Variants in NSD2 observed in about 807,000 individuals in gnomAD.
NSD2 encodes the protein nuclear receptor binding SET domain protein 2.
Under a neutral mutation model 139.0 loss-of-function variants are expected in NSD2, and 12 were observed. The ratio of observed to expected loss-of-function variants is 0.09; its 90% CI spans 0.06 to 0.14. The LOEUF is 0.14. Ranked by LOEUF, NSD2 falls within the 10% of genes least tolerant of loss-of-function variation. The probability of loss-of-function intolerance (pLI) is 1.00; values close to 1 mark genes in which losing one functional copy is unlikely to be tolerated. For synonymous variants in NSD2, 669 were observed against 648.7 expected (o/e 1.03, Z -0.48); for missense variants, 1,155 against 1,745.0 (o/e 0.66, Z 6.02).
rs1724763970 is a variant in NSD2, at chr4:1,955,910, GTACT to G, written c.2675+64_2675+67del. 1.2e-6 allele frequency: 2 copies of G among 1,610,134 alleles called. No individual in the cohort carries two copies. The highest frequency in any genetic ancestry group is 1.7e-5 in the Admixed American group (1 of 59,686). On this transcript the variant is annotated intron_variant, in intron 14 of 21. Transcript: ENST00000508803. The surrounding 1 kb of genome is among the most constrained non-coding windows in gnomAD (Gnocchi z 4.7). ...TCTGTTCACATGTGTTCGCTTTACAGTACTTAAAGTATTGAAATTATTATCGCTG... is the reference window on the plus strand; with the variant it reads ...TCTGTTCACATGTGTTCGCTTTACAGTAAAGTATTGAAATTATTATCGCTG...
Position 1,956,154 on chromosome 4 carries a change from G to A in NSD2, c.2847G>A (p.Gln949=). ...AGGGGGACCGGGGCAGCCGCTACCA[G>A]GGGGTCAGAGGGATCGGAAGAGTCT... ...YMEGDRGSRY[Q]GVRGIGRVFK... Residue 949 remains glutamine (Q), a synonymous_variant, in exon 15 of 22, where the codon CAG becomes CAA. Coordinates refer to ENST00000508803, the MANE Select transcript of NSD2 (RefSeq NM_001042424.3). This position sits in a 1 kb window ranked among gnomAD's most constrained non-coding sequence, Gnocchi z 5.3. The A allele has an allele frequency of 1.2e-6, 2 of 1,613,316 alleles. No individual in the cohort carries two copies. Among genetic ancestry groups the A allele is most frequent in the Non-Finnish European group, 8.5e-7 (1 of 1,179,586 alleles).
At chr4:1,941,517 A>G in intron 9 of NSD2, 6 of 1,043,888 alleles carry the variant, frequency 5.7e-6, no homozygotes, top group Non-Finnish European at 5.8e-6. Context: ...CCTTGAGAAG[A>G]CATAGATGAA....
At position 1,981,152 on chromosome 4, in the gene NSD2, T is replaced by C. The variant is rs992599001; in HGVS notation, c.*2243T>C. ...GCTTTGATAATACTTCCAAATTTTA[T>C]GATTTTTCTGAAGGAAATAATGCAA... On this transcript the variant is annotated 3_prime_UTR_variant, in exon 22 of 22. Coordinates refer to ENST00000508803, the MANE Select transcript of NSD2 (RefSeq NM_001042424.3). 1.3e-5 allele frequency: 3 copies of C among 233,236 alleles called. No homozygotes were observed. In the Admixed American group the frequency reaches 1.7e-4, roughly 13 times the overall value. The allele number at this position is 233,236 out of a possible 1,614,324, so 14.4% of individuals were successfully genotyped here.
chr4:1,904,867 ACGCCTGTAATC>A (rs1453108199), intron 3 of NSD2, among the ~76,000 whole-genome samples: 3 of 152,242 alleles, frequency 2.0e-5, no homozygotes, highest in Admixed American at 6.5e-5. Context: ...ACGGTGGCTC[ACGCCTGTAATC>A]CCAACACTTT....
In NSD2 at chr4:1,953,318, T is replaced by C. The variant is rs528193290; in HGVS notation, c.2138-6T>C. On this transcript the variant is annotated splice_polypyrimidine_tract_variant and splice_region_variant and intron_variant, in intron 11 of 21. Coordinates refer to ENST00000508803, the MANE Select transcript of NSD2 (RefSeq NM_001042424.3). ...TCTCTCCACCCCTTCTTTAACTTTT[T>C]GTTAGGGATTCACTCATGTTTCGTG... 3.7e-6 allele frequency: 6 copies of C among 1,614,258 alleles called. No individual in the cohort carries two copies. Among genetic ancestry groups the C allele is most frequent in the Non-Finnish European group, 5.1e-6 (6 of 1,180,048 alleles).
intron 1 of NSD2, among the ~76,000 whole-genome samples, chr4:1,878,615 G>A (rs947425402): frequency 6.6e-6 from 1 of 152,062 alleles, no homozygotes; most frequent in Non-Finnish European, 1.5e-5. Context: ...GGCATTCAGT[G>A]ACTATTTGAA....
intron 1 of NSD2, among the ~76,000 whole-genome samples, chr4:1,872,591 T>TGTGTGTGTGAGAGA (rs1281608141): frequency 2.7e-4 from 12 of 44,890 alleles, no homozygotes; most frequent in Admixed American, 1.4e-3. Context: ...TGTGTGTGTG[T>TGTGTGTGTGAGAGA]GAGAGAGAGA....
intron 9 of NSD2, chr4:1,943,189 G>C: frequency 9.6e-7 from 1 of 1,041,368 alleles, no homozygotes; most frequent in Non-Finnish European, 1.2e-6. Flanking sequence ...TAAGGAAAAG[G>C]CTTACTTGCC....
chr4:1,937,781 G>A (rs530068260), intron 7 of NSD2, among the ~76,000 whole-genome samples: 8 of 152,342 alleles, frequency 5.3e-5, no homozygotes, highest in African/African-American at 1.9e-4. Context: ...TCCCTGGGCA[G>A]CGCTGCTCTA....
intron 1 of NSD2, among the ~76,000 whole-genome samples, chr4:1,874,670 G>GTA (rs1170897790): frequency 1.3e-5 from 2 of 152,170 alleles, no homozygotes; most frequent in Non-Finnish European, 2.9e-5. Flanking sequence ...AACATTGCAA[G>GTA]TATATAAGTC....
Position 1,903,105 on chromosome 4 carries a change from T to G in NSD2, c.598-1111T>G, listed in dbSNP as rs1399640815. Among the ~76,000 whole-genome samples the G allele has an allele frequency of 2.6e-5, 4 of 152,166 alleles. 1 individual carries two copies. The highest frequency in any genetic ancestry group is 5.9e-5 in the Non-Finnish European group (4 of 68,018). On this transcript the variant is annotated intron_variant, in intron 2 of 21. Coordinates refer to ENST00000508803, the MANE Select transcript of NSD2 (RefSeq NM_001042424.3). ...AGGATCAAAAAAACATGAAAATGTG[T>G]CATGTGGCAGCTCATGCCAGGCTTC...
rs1269297882 is a variant in NSD2 at position 1,944,326 on chromosome 4, A to G, written c.1881+4548A>G. 4 of 1,066,228 alleles carry G rather than the reference A, an allele frequency of 3.8e-6. No individual in the cohort carries two copies. In the East Asian group the frequency reaches 2.0e-4, roughly 53 times the overall value. 66.0% of individuals were successfully genotyped at this position (1,066,228 alleles called of 1,614,324 possible). A position where few individuals can be genotyped will look rare whatever the true frequency, so the allele number is the denominator to read the frequency against. On this transcript the variant is annotated intron_variant, in intron 9 of 21. Coordinates refer to ENST00000508803, the MANE Select transcript of NSD2 (RefSeq NM_001042424.3). The stretch of plus-strand genomic sequence containing the variant: ...ACTTAGGGAGGACCATTGGCTTGCC[A>G]AGAGTACAGAAATTCATTATGCTGC...
In NSD2 at chr4:1,980,707, T is replaced by C. The variant is rs1327733262; in HGVS notation, c.*1798T>C. 3 of 232,996 alleles carry C rather than the reference T, an allele frequency of 1.3e-5. No homozygotes were observed. The highest frequency in any genetic ancestry group is 2.5e-5 in the Non-Finnish European group (3 of 118,006). 14.4% of individuals were successfully genotyped at this position (232,996 alleles called of 1,614,324 possible). On this transcript the variant is annotated 3_prime_UTR_variant, in exon 22 of 22. Transcript: ENST00000508803. ...CTCCCATCAGGGTCCCCAGCAAAGTTAACTACACAGAGGACCCAGGGGAAA... is the reference window on the plus strand; with the variant it reads ...CTCCCATCAGGGTCCCCAGCAAAGTCAACTACACAGAGGACCCAGGGGAAA...
At chr4:1,936,667 CAAAAAAAAAA>C (rs879590049) in intron 7 of NSD2, among the ~76,000 whole-genome samples, 1 of 52,504 alleles carries the variant, frequency 1.9e-5, no homozygotes, top group South Asian at 7.8e-4. Context: ...GACTCCATCT[CAAAAAAAAAA>C]AAAAAAAAAA....
At position 1,939,360 on chromosome 4, in the gene NSD2, G is replaced by A. The variant is rs867475256; in HGVS notation, c.1757-294G>A. ...TCTTATGGATGAAATGATATGTCTG[G>A]GATTTGCTTCAGAATAATCTGGCAG... On this transcript the variant is annotated intron_variant, in intron 8 of 21. Coordinates refer to ENST00000508803, the MANE Select transcript of NSD2 (RefSeq NM_001042424.3). The A allele has an allele frequency of 3.5e-5, 14 of 397,828 alleles. No individual in the cohort carries two copies. In the Middle Eastern group the frequency reaches 3.6e-3, roughly 103 times the overall value. The allele number at this position is 397,828 out of a possible 1,614,324, so 24.6% of individuals were successfully genotyped here.
chr4:1,876,136 C>T (rs1714238786), intron 1 of NSD2, among the ~76,000 whole-genome samples: 1 of 151,726 alleles, frequency 6.6e-6, no homozygotes, highest in African/African-American at 2.4e-5. Context: ...ATGGTGTGAA[C>T]CTGGGAGGCG....
chr4:1,944,861 C>G, intron 9 of NSD2: 1 of 1,063,484 alleles, frequency 9.4e-7, no homozygotes, highest in Non-Finnish European at 1.1e-6. Context: ...GTAGTTACAT[C>G]TCAGTGCTGT....
At position 1,956,170 on chromosome 4, in the gene NSD2, G is replaced by A. The variant is rs934745655; in HGVS notation, c.2863G>A (p.Gly955Arg). 6 of 1,609,522 alleles carry A rather than the reference G, an allele frequency of 3.7e-6. No individual in the cohort carries two copies. The highest frequency in any genetic ancestry group is 1.7e-5 in the Admixed American group (1 of 59,548). ...CCGCTACCAGGGGGTCAGAGGGATC[G>A]GAAGAGTCTTCAAAAACGGTACGGA... Reference protein sequence around the residue: ...GSRYQGVRGIGRVFKNALQEA... With the variant: ...GSRYQGVRGIRRVFKNALQEA... The change falls in exon 15 of 22, where the codon GGA becomes AGA. Residue 955 changes from glycine (G) to arginine (R), a missense_variant. Around this residue, in one of 8 missense-constraint regions of NSD2, gnomAD observed 139 missense variants for 485.8 expected, o/e 0.29. Coordinates refer to ENST00000508803, the MANE Select transcript of NSD2 (RefSeq NM_001042424.3). This position sits in a 1 kb window ranked among gnomAD's most constrained non-coding sequence, Gnocchi z 5.3.
Position 1,973,867 on chromosome 4 carries a change from T to C in NSD2, c.3373-996T>C, listed in dbSNP as rs1726769864. On this transcript the variant is annotated intron_variant, in intron 18 of 21. Transcript: ENST00000508803. This position sits in a 1 kb window ranked among gnomAD's most constrained non-coding sequence, Gnocchi z 5.5. ...TCTCCCCACGCGGTTGTGCGGTGGA[T>C]CTGGCGGCTCCTCAGGTGGAGGCCG... 6.6e-6 allele frequency among the ~76,000 whole-genome samples: 1 copy of C among 152,230 alleles called. No homozygotes were observed. Among genetic ancestry groups the C allele is most frequent in the African/African-American group, 2.4e-5 (1 of 41,462 alleles).
Sources: gnomAD v4.1 joint callset for allele counts (sites outside exome capture counted in the v4.1 genomes callset) on GRCh38, gnomAD v4.1.1 for gene constraint, gnomAD v4.1.1 regional missense constraint, Gnocchi (gnomAD v3.1) non-coding constraint, MANE v1.5 for transcripts, NCBI Gene and HGNC (gene_info 2026-07-23, HGNC 2026-07-21) for gene names.